Variants in MEST observed in about 807,000 individuals in gnomAD.
The protein encoded by MEST is mesoderm-specific transcript homolog protein.
In MEST, 18 loss-of-function variants were observed where a neutral mutation model predicts 50.9. That is an observed-to-expected ratio of 0.35 (90% CI 0.24 to 0.52). MEST has a LOEUF of 0.52. Among genes scored for constraint, MEST ranks in the 20% least tolerant of loss-of-function variants. The probability of loss-of-function intolerance (pLI) is 0.94; values close to 1 mark genes in which losing one functional copy is unlikely to be tolerated. For synonymous variants in MEST, 130 were observed against 154.1 expected, an observed-to-expected ratio of 0.84 and a Z score of 1.16; for missense variants, 282 against 425.3, an observed-to-expected ratio of 0.66 and a Z score of 2.96.
chr7:130,487,348 G>A (rs1798656450), upstream of MEST: 1 of 152,346 alleles, frequency 6.6e-6, no homozygotes, highest in Non-Finnish European at 1.5e-5. Context: ...TCCTCTAGGT[G>A]TGGGATAGTG....
At position 130,497,796 on chromosome 7, in the gene MEST, G is replaced by C; in HGVS notation, c.262-140G>C. ...CATTTTCCAAGAGGATCATCTGTGGGACCTGTGGTAGTTTCATGGCGTTTT... is the reference window on the plus strand; with the variant it reads ...CATTTTCCAAGAGGATCATCTGTGGCACCTGTGGTAGTTTCATGGCGTTTT... On this transcript the variant is annotated intron_variant, in intron 3 of 11. Transcript: ENST00000223215. The surrounding 1 kb of genome is among the most constrained non-coding windows in gnomAD (Gnocchi z 4.0). The C allele has an allele frequency of 1.4e-6, 1 of 738,032 alleles. No individual in the cohort carries two copies. The highest frequency in any genetic ancestry group is 2.4e-6 in the Non-Finnish European group (1 of 413,852). 45.7% of individuals were successfully genotyped at this position (738,032 alleles called of 1,614,324 possible).
At chr7:130,502,380 C>T (rs1290009182) in intron 9 of MEST, among the ~76,000 whole-genome samples, 4 of 152,166 alleles carry the variant, frequency 2.6e-5, no homozygotes, top group African/African-American at 9.7e-5. Context: ...TGTCAGCCTT[C>T]CTAGATCTCA....
chr7:130,495,557 C>A, intron 2 of MEST, 35 bp downstream of exon 2: 1 of 1,600,452 alleles, frequency 6.2e-7, no homozygotes, highest in Non-Finnish European at 8.5e-7. Flanking sequence ...CTGCGTGTAT[C>A]GGTCACATAA....
chr7:130,506,225 C>T lies in MEST; in HGVS notation c.*1169C>T, dbSNP rs1364942938. 4.6e-5 allele frequency: 7 copies of T among 152,186 alleles called. No homozygotes were observed. The highest frequency in any genetic ancestry group is 4.6e-4 in the Admixed American group (7 of 15,252). 9.4% of individuals were successfully genotyped at this position (152,186 alleles called of 1,614,324 possible). ...ATTCGTTTTTTTAAATTAGCAACTT[C>T]AAGTATAACAACTTTGAAACTGGAA... On this transcript the variant is annotated 3_prime_UTR_variant, in exon 12 of 12. Coordinates refer to ENST00000223215, the MANE Select transcript of MEST (RefSeq NM_002402.4).
intron 7 of MEST, 67 bp downstream of exon 7, chr7:130,499,982 T>A: frequency 7.7e-7 from 1 of 1,301,310 alleles, no homozygotes; most frequent in Non-Finnish European, 1.1e-6. Context: ...CTGGGACCTT[T>A]TAAGGGCCAT....
At position 130,492,723 on chromosome 7, in the gene MEST, G is replaced by A. The variant is rs1157803360; in HGVS notation, c.26+384G>A. On this transcript the variant is annotated intron_variant, in intron 1 of 11. Coordinates refer to ENST00000223215, the MANE Select transcript of MEST (RefSeq NM_002402.4). The surrounding 1 kb of genome is among the most constrained non-coding windows in gnomAD (Gnocchi z 7.6). ...GTGCGATTTAGGATTTTTATACTCAGTCATTGCTGCAGCATGATTTAGGAT... is the reference window on the plus strand; with the variant it reads ...GTGCGATTTAGGATTTTTATACTCAATCATTGCTGCAGCATGATTTAGGAT... 1 of 192,140 alleles carries A rather than the reference G, an allele frequency of 5.2e-6. No individual in the cohort carries two copies. Among genetic ancestry groups the A allele is most frequent in the East Asian group, 1.2e-4 (1 of 8,362 alleles). The allele number at this position is 192,140 out of a possible 1,614,324, so 11.9% of individuals were successfully genotyped here. A position where few individuals can be genotyped will look rare whatever the true frequency, so the allele number is the denominator to read the frequency against.
chr7:130,493,422 G>C (rs190862383), intron 1 of MEST, among the ~76,000 whole-genome samples: 132 of 152,256 alleles, frequency 8.7e-4, no homozygotes, highest in Non-Finnish European at 3.4e-4. Context: ...GCCAAAAAAT[G>C]TTTGCTTAAC....
upstream of MEST, chr7:130,488,593 G>GT (rs1244284368): frequency 7.8e-4 from 119 of 152,316 alleles, no homozygotes; most frequent in African/African-American, 2.5e-3. Flanking sequence ...CCGAGCTGCC[G>GT]TATCTCTCTC....
chr7:130,492,989 C>T lies in MEST; in HGVS notation c.26+650C>T, dbSNP rs901481398. On this transcript the variant is annotated intron_variant, in intron 1 of 11. Transcript: ENST00000223215. This position sits in a 1 kb window ranked among gnomAD's most constrained non-coding sequence, Gnocchi z 7.6. ...TAGGATTTTTAGAACCCCGGTGTCT[C>T]CGTGGCGCACCTTAGGATTTCAAGA... 1.3e-5 allele frequency among the ~76,000 whole-genome samples: 2 copies of T among 152,140 alleles called. No individual in the cohort carries two copies. Among genetic ancestry groups the T allele is most frequent in the Admixed American group, 1.3e-4 (2 of 15,282 alleles).
At chr7:130,491,109 GA>G (rs1271883170), upstream of MEST, 3 of 152,284 alleles carry the variant, frequency 2.0e-5, no homozygotes. The surrounding 1 kb of genome is among the most constrained non-coding windows in gnomAD (Gnocchi z 6.8). Flanking sequence ...TTTACGGTCA[GA>G]AAATGAACAC....
At chr7:130,494,293 A>G (rs1195405669) in intron 1 of MEST, among the ~76,000 whole-genome samples, 2 of 152,222 alleles carry the variant, frequency 1.3e-5, no homozygotes, top group African/African-American at 2.4e-5. Flanking sequence ...TTTCAGCTCT[A>G]TGACAACTCT....
At chr7:130,499,847 A>G in intron 6 of MEST, 28 bp from the exon 7 acceptor site, 1 of 1,581,214 alleles carries the variant, frequency 6.3e-7, no homozygotes, top group Non-Finnish European at 8.6e-7. Flanking sequence ...AGCTGTAGGT[A>G]AATGACTAAG....
upstream of MEST, among the ~76,000 whole-genome samples, chr7:130,491,802 A>C (rs1798822640): frequency 6.6e-6 from 1 of 151,844 alleles, no homozygotes; most frequent in South Asian, 2.1e-4. This position sits in a 1 kb window ranked among gnomAD's most constrained non-coding sequence, Gnocchi z 6.8. Flanking sequence ...CGTGGCCTTA[A>C]CTCATCAGGG....
chr7:130,499,725 C>G, intron 6 of MEST, 150 bp from the exon 7 acceptor site: 1 of 571,042 alleles, frequency 1.8e-6, no homozygotes, highest in Non-Finnish European at 3.0e-6. Context: ...GGTGAGGTGG[C>G]TTGCACCTGT....
chr7:130,500,480 G>A lies in MEST; in HGVS notation c.595G>A (p.Val199Met). Residue 199 changes from valine to methionine, a missense_variant, in exon 8 of 12, where the codon GTG becomes ATG. Coordinates refer to ENST00000223215, the MANE Select transcript of MEST (RefSeq NM_002402.4). The surrounding 1 kb of genome is among the most constrained non-coding windows in gnomAD (Gnocchi z 5.0). ...LLQKLLKDGG[V>M]LSPILTRLMN... ...CCTCCAGCTACTCAAAGATGGAGGT[G>A]TGCTGTCACCCATCCTCACACGACT... The A allele has an allele frequency of 6.2e-7, 1 of 1,613,804 alleles. No individual in the cohort carries two copies. The highest frequency in any genetic ancestry group is 8.5e-7 in the Non-Finnish European group (1 of 1,179,894).
chr7:130,488,598 T>G (rs1798692197), upstream of MEST: 2 of 152,176 alleles, frequency 1.3e-5, no homozygotes, highest in South Asian at 4.1e-4. Flanking sequence ...CTGCCGTATC[T>G]CTCTCTGAAA....
intron 9 of MEST, among the ~76,000 whole-genome samples, chr7:130,502,013 A>T (rs1479720603): frequency 6.6e-6 from 1 of 151,386 alleles, no homozygotes; most frequent in Non-Finnish European, 1.5e-5. Flanking sequence ...AAAAAAAAAG[A>T]AGTAGATGTC....
At chr7:130,504,025 T>G (rs782175204) in intron 11 of MEST, 29 bp downstream of exon 11, 2 of 1,577,740 alleles carry the variant, frequency 1.3e-6, no homozygotes, top group Non-Finnish European at 8.7e-7. Flanking sequence ...AGTCTATGTT[T>G]TGTTAGTATC....
intron 1 of MEST, 111 bp from the exon 2 acceptor site, chr7:130,495,257 A>G (rs545372431): frequency 9.1e-7 from 1 of 1,099,456 alleles, no homozygotes; most frequent in African/African-American, 1.6e-5. Context: ...AGGGCAATGT[A>G]ATCATTGCAT....
Sources: gnomAD v4.1 joint callset for allele counts (sites outside exome capture counted in the v4.1 genomes callset) on GRCh38, gnomAD v4.1.1 for gene constraint, Gnocchi (gnomAD v3.1) non-coding constraint, MANE v1.5 for transcripts, NCBI Gene and HGNC (gene_info 2026-07-23, HGNC 2026-07-21) for gene names.